Variants in CTNNA1 observed in about 807,000 individuals in gnomAD.
CTNNA1 encodes catenin alpha-1.
In CTNNA1, 37 loss-of-function variants were observed where a neutral mutation model predicts 98.4. The observed-to-expected ratio is 0.38, with a 90% CI of 0.29 to 0.49. CTNNA1 has a LOEUF of 0.49. CTNNA1 is among the 20% of genes least tolerant of loss of function. The probability of loss-of-function intolerance (pLI) is 0.95; values close to 1 mark genes in which losing one functional copy is unlikely to be tolerated. For missense variants in CTNNA1, 761 were observed against 1,147.2 expected, an observed-to-expected ratio of 0.66 and a Z score of 4.86; for synonymous variants, 404 against 413.2, an observed-to-expected ratio of 0.98 and a Z score of 0.27.
chr5:138,921,491 T>C (rs1762902035), intron 11 of CTNNA1, among the ~76,000 whole-genome samples: 1 of 152,238 alleles, frequency 6.6e-6, no homozygotes, highest in Non-Finnish European at 1.5e-5. Flanking sequence ...ATTAAATACC[T>C]AATTATTATT....
intron 1 of CTNNA1, among the ~76,000 whole-genome samples, chr5:138,756,548 A>G (rs1430338434): frequency 6.6e-6 from 1 of 152,174 alleles, no homozygotes. Context: ...TGGTGAGAAT[A>G]TGGAGAGAAG....
intron 9 of CTNNA1, among the ~76,000 whole-genome samples, chr5:138,893,162 C>T (rs777519991): frequency 6.6e-6 from 1 of 152,192 alleles, no homozygotes; most frequent in Non-Finnish European, 1.5e-5. Context: ...AAGGCCAGCC[C>T]TCACGGAACA....
rs869312582 is a variant in CTNNA1 at position 138,812,091 on chromosome 5, T to C, written c.469-92T>C. 1.6e-4 allele frequency: 194 copies of C among 1,197,468 alleles called. No homozygotes were observed. The highest frequency in any genetic ancestry group is 1.1e-3 in the Admixed American group (52 of 45,932). The allele number at this position is 1,197,468 out of a possible 1,614,324, so 74.2% of individuals were successfully genotyped here. Reference sequence around the variant, plus strand: ...TAAGTTTGGGTTGCTTTTTGAGTAGTTGTTAACAGGAATGAAAATTCCTAG... The same window carrying C: ...TAAGTTTGGGTTGCTTTTTGAGTAGCTGTTAACAGGAATGAAAATTCCTAG... On this transcript the variant is annotated intron_variant, in intron 4 of 17. Coordinates refer to ENST00000302763, the MANE Select transcript of CTNNA1 (RefSeq NM_001903.5).
At chr5:138,846,796 A>G (rs571889120) in intron 7 of CTNNA1, among the ~76,000 whole-genome samples, 1 of 152,340 alleles carries the variant, frequency 6.6e-6, no homozygotes, top group East Asian at 1.9e-4. Flanking sequence ...AACAGGTGTC[A>G]TTTCAAGCTG....
At chr5:138,760,844 G>T (rs1752274960) in intron 1 of CTNNA1, among the ~76,000 whole-genome samples, 1 of 152,156 alleles carries the variant, frequency 6.6e-6, no homozygotes, top group Non-Finnish European at 1.5e-5. Context: ...GAAGTGGTGT[G>T]ACTGTAGGCT....
chr5:138,755,845 C>CTTTTTTTTTTTT (rs60260246), intron 1 of CTNNA1, among the ~76,000 whole-genome samples: 2 of 58,448 alleles, frequency 3.4e-5, no homozygotes, highest in African/African-American at 1.3e-4. Context: ...GGATTTCCTT[C>CTTTTTTTTTTTT]TTTTTTTTTT....
At chr5:138,898,617 A>AT (rs33939190) in intron 9 of CTNNA1, among the ~76,000 whole-genome samples, 2 of 151,222 alleles carry the variant, frequency 1.3e-5, no homozygotes, top group Non-Finnish European at 3.0e-5. Flanking sequence ...AAAAAAAAAA[A>AT]GTTATCCTAA....
chr5:138,828,815 A>G (rs1760978336), intron 7 of CTNNA1, among the ~76,000 whole-genome samples: 1 of 152,192 alleles, frequency 6.6e-6, no homozygotes, highest in South Asian at 2.1e-4. Flanking sequence ...TTAGTGATGC[A>G]TATTGAATTT....
intron 5 of CTNNA1, 85 bp from the exon 6 acceptor site, chr5:138,824,445 C>G: frequency 7.0e-7 from 1 of 1,432,504 alleles, no homozygotes; most frequent in Non-Finnish European, 9.5e-7. Flanking sequence ...GAAATTCTAA[C>G]TTTTCAGCAT....
At chr5:138,898,599 C>CT (rs1757399776) in intron 9 of CTNNA1, among the ~76,000 whole-genome samples, 1 of 127,298 alleles carries the variant, frequency 7.9e-6, no homozygotes, top group Admixed American at 7.5e-5. Context: ...GAGACCCTGT[C>CT]TTAAAAAAAA....
chr5:138,781,424 C>T (rs1580975419), intron 1 of CTNNA1, among the ~76,000 whole-genome samples: 1 of 151,996 alleles, frequency 6.6e-6, no homozygotes, highest in African/African-American at 2.4e-5. Flanking sequence ...GGCGTGGTGG[C>T]GGGCCCCTGT....
intron 7 of CTNNA1, among the ~76,000 whole-genome samples, chr5:138,858,463 T>A (rs1763931097): frequency 6.6e-6 from 1 of 152,140 alleles, no homozygotes; most frequent in South Asian, 2.1e-4. Flanking sequence ...CATACTGAAA[T>A]GTACAAATCT....
chr5:138,901,138 C>T (rs995533853), intron 9 of CTNNA1, among the ~76,000 whole-genome samples: 6 of 151,932 alleles, frequency 3.9e-5, no homozygotes, highest in Non-Finnish European at 8.8e-5. Flanking sequence ...TCTTCTCTTC[C>T]GCTCCCCTCC....
intron 13 of CTNNA1, among the ~76,000 whole-genome samples, chr5:138,927,119 A>C (rs1764234179): frequency 6.6e-6 from 1 of 152,178 alleles, no homozygotes; most frequent in South Asian, 2.1e-4. Context: ...GGGTTCATGC[A>C]GGTGCCACTC....
chr5:138,804,559 A>ACTT (rs1468191973), intron 3 of CTNNA1, among the ~76,000 whole-genome samples: 1 of 152,236 alleles, frequency 6.6e-6, no homozygotes, highest in African/African-American at 2.4e-5. Context: ...TATAAAGGGA[A>ACTT]CAATACAGTA....
Position 138,853,249 on chromosome 5 carries a change from G to A in CTNNA1, c.1062+25531G>A, listed in dbSNP as rs572550469. 1.1e-4 allele frequency among the ~76,000 whole-genome samples: 17 copies of A among 152,004 alleles called. No homozygotes were observed. The East Asian group carries it at 3.3e-3, about 29-fold the overall frequency. Reference sequence around the variant, plus strand: ...AGGCGTGAGCCACTGCACCCGGCCTGCTCATTATTAAAGTTGCATTTCCCT... The same window carrying A: ...AGGCGTGAGCCACTGCACCCGGCCTACTCATTATTAAAGTTGCATTTCCCT... On this transcript the variant is annotated intron_variant, in intron 7 of 17. Transcript: ENST00000302763.
At position 138,934,813 on chromosome 5, in the gene CTNNA1, T is replaced by G. The variant is rs1172110943; in HGVS notation, c.*724T>G. On this transcript the variant is annotated 3_prime_UTR_variant, in exon 18 of 18. Transcript: ENST00000302763. Reference sequence around the variant, plus strand: ...GCTCACTTCTAATAACTGCAGTGTTTCCCGCCTTGGGCTTGCAGCAGAAAA... The same window carrying G: ...GCTCACTTCTAATAACTGCAGTGTTGCCCGCCTTGGGCTTGCAGCAGAAAA... 2 of 152,678 alleles carry G rather than the reference T, an allele frequency of 1.3e-5. No homozygotes were observed. Among genetic ancestry groups the G allele is most frequent in the Non-Finnish European group, 2.9e-5 (2 of 68,078 alleles). 9.5% of individuals were successfully genotyped at this position (152,678 alleles called of 1,614,324 possible).
chr5:138,812,133 C>T (rs1561550472), intron 4 of CTNNA1, 50 bp from the exon 5 acceptor site: 1 of 1,558,510 alleles, frequency 6.4e-7, no homozygotes, highest in Non-Finnish European at 8.7e-7. Flanking sequence ...ATCTTCTTTA[C>T]AGACCTACAT....
chr5:138,842,545 GT>G (rs1207935134), intron 7 of CTNNA1, among the ~76,000 whole-genome samples: 1 of 152,078 alleles, frequency 6.6e-6, no homozygotes, highest in Non-Finnish European at 1.5e-5. Context: ...TTCAAAACTG[GT>G]TTTTCTTATG....
Sources: gnomAD v4.1 joint callset for allele counts (sites outside exome capture counted in the v4.1 genomes callset) on GRCh38, gnomAD v4.1.1 for gene constraint, MANE v1.5 for transcripts, NCBI Gene and HGNC (gene_info 2026-07-23, HGNC 2026-07-21) for gene names.